Variants in RBPJ observed in about 807,000 individuals in gnomAD.
RBPJ encodes recombining binding protein suppressor of hairless.
In RBPJ, 9 loss-of-function variants were observed where a neutral mutation model predicts 67.8. That is an observed-to-expected ratio of 0.13 (90% CI 0.08 to 0.23). RBPJ has a LOEUF of 0.23. Ranked by LOEUF, RBPJ falls within the 10% of genes least tolerant of loss-of-function variation. The pLI, the probability that RBPJ is intolerant of heterozygous loss-of-function variation, is 1.00. For synonymous variants in RBPJ, 198 were observed against 203.3 expected, an observed-to-expected ratio of 0.97 and a Z score of 0.22; for missense variants, 305 against 595.6, an observed-to-expected ratio of 0.51 and a Z score of 5.08.
At chr4:26,119,453 G>A in the RBPJ span, among the ~76,000 whole-genome samples, 2 of 152,004 alleles carry the variant, frequency 1.3e-5, no homozygotes, top group Non-Finnish European at 2.9e-5. Context: ...TTTCAGATTA[G>A]CTCCCCCTCC....
At chr4:26,211,083 G>A (rs889553429) in intron 1 of RBPJ, among the ~76,000 whole-genome samples, 2 of 152,042 alleles carry the variant, frequency 1.3e-5, no homozygotes, top group African/African-American at 4.8e-5. Flanking sequence ...TCATTGGTGA[G>A]ATTTTCCAAC....
At chr4:26,180,299 C>T (rs926210194) in intron 1 of RBPJ, among the ~76,000 whole-genome samples, 11 of 148,978 alleles carry the variant, frequency 7.4e-5, no homozygotes, top group South Asian at 2.1e-4. Flanking sequence ...TAAAACAAAC[C>T]GACACATGTA....
At position 26,433,253 on chromosome 4, in the gene RBPJ, T is replaced by C. The variant is rs1420015234; in HGVS notation, c.*2246T>C. The C allele has an allele frequency of 3.9e-5, 6 of 152,238 alleles. No homozygotes were observed. The highest frequency in any genetic ancestry group is 8.8e-5 in the Non-Finnish European group (6 of 68,034). The allele number at this position is 152,238 out of a possible 1,614,324, so 9.4% of individuals were successfully genotyped here. Reference sequence around the variant, plus strand: ...GTCTCTTTCTTACAGACCACTTATTTCTGAGTAGTAGTTATTCCTCTCTAT... The same window carrying C: ...GTCTCTTTCTTACAGACCACTTATTCCTGAGTAGTAGTTATTCCTCTCTAT... On this transcript the variant is annotated 3_prime_UTR_variant, in exon 11 of 11. Transcript: ENST00000355476.
intron 1 of RBPJ, among the ~76,000 whole-genome samples, chr4:26,351,656 C>T (rs1345650548): frequency 6.6e-6 from 1 of 152,238 alleles, no homozygotes; most frequent in East Asian, 1.9e-4. Context: ...GTTGGGATTA[C>T]AGGCCTGAGC....
At chr4:26,371,828 G>A (rs938623966) in intron 1 of RBPJ, among the ~76,000 whole-genome samples, 5 of 152,214 alleles carry the variant, frequency 3.3e-5, no homozygotes, top group African/African-American at 9.6e-5. Context: ...GAGAATAAAT[G>A]TTATCAGTGA....
At chr4:26,413,799 C>T (rs1173667374) in intron 3 of RBPJ, among the ~76,000 whole-genome samples, 2 of 152,142 alleles carry the variant, frequency 1.3e-5, no homozygotes, top group African/African-American at 2.4e-5. Flanking sequence ...TGCACATATG[C>T]ACATAAAGTT....
intron 1 of RBPJ, among the ~76,000 whole-genome samples, chr4:26,214,350 AGAG>A (rs1718543712): frequency 7.6e-6 from 1 of 132,378 alleles, no homozygotes; most frequent in Admixed American, 7.4e-5. Flanking sequence ...AAGAAAAGGA[AGAG>A]AAAGGAGGAA....
chr4:26,348,868 C>T (rs745660601), intron 1 of RBPJ, among the ~76,000 whole-genome samples: 3 of 151,648 alleles, frequency 2.0e-5, no homozygotes, highest in Non-Finnish European at 2.9e-5. Flanking sequence ...TCATGGCCCA[C>T]GAATTTTTAA....
intron 3 of RBPJ, among the ~76,000 whole-genome samples, chr4:26,412,371 A>C (rs2109771908): frequency 6.6e-6 from 1 of 152,104 alleles, no homozygotes; most frequent in African/African-American, 2.4e-5. Flanking sequence ...AACTGGGACT[A>C]CAGGCGTGCG....
chr4:26,325,198 C>T (rs568189733), intron 1 of RBPJ, among the ~76,000 whole-genome samples: 1 of 152,296 alleles, frequency 6.6e-6, no homozygotes, highest in South Asian at 2.1e-4. Context: ...TAAAAAATCT[C>T]TTGAATTTGT....
rs1414196223 is a variant in RBPJ, at chr4:26,430,838, C to T, written c.1295C>T (p.Thr432Ile). ...IYSTSLTFTYTPEPGPRPHCS... is the reference protein window; with the variant it reads ...IYSTSLTFTYIPEPGPRPHCS... ...TCCACCAGCCTTACCTTTACCTACA[C>T]ACCAGAACCAGGGCCGCGGCCACAT... is the stretch of plus-strand genomic sequence containing the variant. Residue 432 changes from threonine to isoleucine, a missense_variant, in exon 11 of 11, where the codon ACA becomes ATA. This residue lies in a region of RBPJ where 47 missense variants were observed against 128.2 expected (regional missense o/e 0.37). Coordinates refer to ENST00000355476, the MANE Select transcript of RBPJ (RefSeq NM_015874.6). The surrounding 1 kb of genome is among the most constrained non-coding windows in gnomAD (Gnocchi z 4.1). The T allele has an allele frequency of 6.2e-7, 1 of 1,614,040 alleles. No homozygotes were observed. The highest frequency in any genetic ancestry group is 2.2e-5 in the East Asian group (1 of 44,870).
intron 1 of RBPJ, among the ~76,000 whole-genome samples, chr4:26,244,246 TGTACAC>T (rs72395154): frequency 0.07 from 950 of 13,560 alleles, 135 homozygotes; most frequent in African/African-American, 0.13. Flanking sequence ...TCTATATATG[TGTACAC>T]ATACACATAT....
At chr4:26,182,334 T>TC (rs1214227336) in intron 1 of RBPJ, among the ~76,000 whole-genome samples, 1 of 151,358 alleles carries the variant, frequency 6.6e-6, no homozygotes, top group Non-Finnish European at 1.5e-5. Flanking sequence ...AGAGCAAGAC[T>TC]CCGTCTCAAA....
chr4:26,316,701 A>G (rs531481941), upstream of RBPJ, among the ~76,000 whole-genome samples: 4 of 140,056 alleles, frequency 2.9e-5, no homozygotes, highest in South Asian at 8.6e-4. Context: ...TATTGTGTAT[A>G]TATATATATA....
chr4:26,303,278 A>AAT (rs766094629), intron 1 of RBPJ, among the ~76,000 whole-genome samples: 1,671 of 145,174 alleles, frequency 0.012, 21 homozygotes, highest in African/African-American at 0.024. Context: ...ATCCATATGA[A>AAT]ATATATATAT....
intron 1 of RBPJ, among the ~76,000 whole-genome samples, chr4:26,255,271 G>A (rs1192577894): frequency 7.2e-6 from 1 of 139,196 alleles, no homozygotes; most frequent in East Asian, 2.2e-4. Flanking sequence ...GGGCGTGGTG[G>A]CGGGCGCCTG....
At chr4:26,191,226 GAGAGAGAGAGAGAGAT>G (rs1717525868) in intron 1 of RBPJ, among the ~76,000 whole-genome samples, 4 of 125,552 alleles carry the variant, frequency 3.2e-5, no homozygotes, top group African/African-American at 9.4e-5. Flanking sequence ...GAGAGAGAGA[GAGAGAGAGAGAGAGAT>G]AGAGAGAGAG....
intron 1 of RBPJ, among the ~76,000 whole-genome samples, chr4:26,214,712 G>GGAGA (rs1553849743): frequency 6.8e-5 from 3 of 43,854 alleles, no homozygotes; most frequent in Non-Finnish European, 1.2e-4. Flanking sequence ...AAGGAAGGAA[G>GGAGA]GAGAGAGAGA....
At chr4:26,162,354 A>G (rs1056001733), upstream of RBPJ, among the ~76,000 whole-genome samples, 2 of 152,254 alleles carry the variant, frequency 1.3e-5, no homozygotes, top group Non-Finnish European at 2.9e-5. Flanking sequence ...TGTTCACTCT[A>G]CGGCAAGGCC....
Sources: allele counts gnomAD v4.1 joint callset (sites outside exome capture counted in the v4.1 genomes callset), GRCh38; gene constraint gnomAD v4.1.1; regional missense constraint gnomAD v4.1.1; non-coding constraint Gnocchi (gnomAD v3.1); transcripts MANE v1.5; gene names NCBI Gene and HGNC (gene_info 2026-07-23, HGNC 2026-07-21).